CDH4: variants seen among roughly 807,000 people sequenced by gnomAD.
CDH4 encodes cadherin-4.
A neutral mutation model predicts 86.0 loss-of-function variants in CDH4; 33 were observed. The observed-to-expected ratio is 0.38, with a 90% CI of 0.29 to 0.51. The LOEUF (loss-of-function observed/expected upper bound fraction) is 0.51. Among genes scored for constraint, CDH4 ranks in the 20% least tolerant of loss-of-function variants. CDH4 has a pLI of 0.86. For synonymous variants in CDH4, 555 were observed against 549.4 expected, an observed-to-expected ratio of 1.01 and a Z score of -0.14; for missense variants, 1,114 against 1,307.4, an observed-to-expected ratio of 0.85 and a Z score of 2.28.
chr20:61,936,252 C>T (rs1486169869), intron 15 of CDH4, among the ~76,000 whole-genome samples: 1 of 147,336 alleles, frequency 6.8e-6, no homozygotes, highest in African/African-American at 2.5e-5. Flanking sequence ...GCCCTCACCT[C>T]CCCCACACCA....
intron 2 of CDH4, among the ~76,000 whole-genome samples, chr20:61,659,056 C>T (rs2087223638): frequency 6.6e-6 from 1 of 152,206 alleles, no homozygotes; most frequent in South Asian, 2.1e-4. Context: ...CCAATAGTAG[C>T]TCCCAATCAG....
intron 2 of CDH4, among the ~76,000 whole-genome samples, chr20:61,531,333 A>G (rs930110863): frequency 6.7e-6 from 1 of 150,166 alleles, no homozygotes; most frequent in Non-Finnish European, 1.5e-5. Flanking sequence ...TTAGCCGGGC[A>G]TGGTGGTGGG....
intron 4 of CDH4, among the ~76,000 whole-genome samples, chr20:61,824,158 T>C (rs1981197880): frequency 6.6e-6 from 1 of 152,264 alleles, no homozygotes; most frequent in South Asian, 2.1e-4. Flanking sequence ...CCACTTTCTA[T>C]TGGAGCATAG....
At chr20:61,361,666 C>T (rs948235660) in intron 2 of CDH4, among the ~76,000 whole-genome samples, 5 of 152,140 alleles carry the variant, frequency 3.3e-5, no homozygotes, top group South Asian at 2.1e-4. Context: ...CAGCAGGTGA[C>T]GGACCCAACC....
intron 2 of CDH4, among the ~76,000 whole-genome samples, chr20:61,484,332 A>G (rs2085584305): frequency 6.6e-6 from 1 of 152,144 alleles, no homozygotes; most frequent in African/African-American, 2.4e-5. Flanking sequence ...ACTTCTGCCC[A>G]CCGCAACCCC....
At chr20:61,397,559 C>T (rs1304872535) in intron 2 of CDH4, among the ~76,000 whole-genome samples, 5 of 152,098 alleles carry the variant, frequency 3.3e-5, no homozygotes, top group African/African-American at 1.2e-4. Context: ...GAGGTAGCCC[C>T]ATATCGCCCT....
chr20:61,377,157 G>A lies in CDH4; in HGVS notation c.169+122220G>A, dbSNP rs2084876926. ...GCCAAGTGACATATTCTGCAAGCAG[G>A]GCTCGGCAATTATTGAAGAGTTGGC... On this transcript the variant is annotated intron_variant, in intron 2 of 15. Coordinates refer to ENST00000614565, the MANE Select transcript of CDH4 (RefSeq NM_001794.5). The surrounding 1 kb of genome is among the most constrained non-coding windows in gnomAD (Gnocchi z 4.0). Among the ~76,000 whole-genome samples, 1 of 152,154 alleles carries A rather than the reference G, an allele frequency of 6.6e-6. No individual in the cohort carries two copies. Among genetic ancestry groups the A allele is most frequent in the Non-Finnish European group, 1.5e-5 (1 of 68,026 alleles).
In CDH4 at chr20:61,714,204, G is replaced by A. The variant is rs1021335591; in HGVS notation, c.170-29359G>A. ...TGGAACTACAGGCATCCGCCACCACGCCTGGCTAATTTTTTGTATTTTTAG... is the reference window on the plus strand; with the variant it reads ...TGGAACTACAGGCATCCGCCACCACACCTGGCTAATTTTTTGTATTTTTAG... On this transcript the variant is annotated intron_variant, in intron 2 of 15. Coordinates refer to ENST00000614565, the MANE Select transcript of CDH4 (RefSeq NM_001794.5). Among the ~76,000 whole-genome samples the A allele has an allele frequency of 3.3e-5, 5 of 151,708 alleles. No homozygotes were observed. The South Asian group carries it at 6.3e-4, about 19-fold the overall frequency.
At chr20:61,505,137 C>T (rs537348356) in intron 2 of CDH4, among the ~76,000 whole-genome samples, 12 of 152,224 alleles carry the variant, frequency 7.9e-5, no homozygotes, top group Admixed American at 6.5e-4. Context: ...AGGTGGGTGA[C>T]GCAAGCGAGG....
intron 2 of CDH4, among the ~76,000 whole-genome samples, chr20:61,312,574 C>T (rs565357509): frequency 9.9e-5 from 15 of 152,058 alleles, no homozygotes; most frequent in Non-Finnish European, 1.2e-4. Flanking sequence ...AGGACTGCAC[C>T]CCCTTCTTTG....
chr20:61,427,811 G>A (rs181107103), intron 2 of CDH4, among the ~76,000 whole-genome samples: 2 of 152,078 alleles, frequency 1.3e-5, no homozygotes, highest in East Asian at 3.9e-4. Context: ...CTAGCTCCAA[G>A]GACCTCCAGT....
At chr20:61,272,446 C>G (rs1377593338) in intron 2 of CDH4, among the ~76,000 whole-genome samples, 3 of 152,214 alleles carry the variant, frequency 2.0e-5, no homozygotes, top group Non-Finnish European at 4.4e-5. Flanking sequence ...GAAGACATCC[C>G]TTCCGTGCAG....
intron 4 of CDH4, among the ~76,000 whole-genome samples, chr20:61,779,637 A>C (rs1478681027): frequency 6.6e-6 from 1 of 152,252 alleles, no homozygotes; most frequent in African/African-American, 2.4e-5. Flanking sequence ...CCATTGCTTC[A>C]CATCCAGCCA....
intron 2 of CDH4, among the ~76,000 whole-genome samples, chr20:61,261,261 C>T (rs1012336929): frequency 5.9e-5 from 9 of 152,172 alleles, no homozygotes; most frequent in Non-Finnish European, 1.2e-4. Context: ...GATTCCTAAC[C>T]GCTGCTTCTC....
At chr20:61,869,817 T>A (rs566806189) in intron 6 of CDH4, among the ~76,000 whole-genome samples, 1 of 152,332 alleles carries the variant, frequency 6.6e-6, no homozygotes, top group African/African-American at 2.4e-5. Flanking sequence ...ACCTCCTGCC[T>A]GGCCTTCGGG....
At chr20:61,812,121 G>A (rs1403911081) in intron 4 of CDH4, among the ~76,000 whole-genome samples, 1 of 151,978 alleles carries the variant, frequency 6.6e-6, no homozygotes, top group Admixed American at 6.5e-5. Context: ...TCCAAGGGTG[G>A]CTGCCTAAGC....
intron 2 of CDH4, among the ~76,000 whole-genome samples, chr20:61,632,114 G>A (rs529407016): frequency 3.6e-4 from 55 of 152,340 alleles, no homozygotes; most frequent in Middle Eastern, 3.4e-3. Context: ...ACAGCACACC[G>A]GGGCAGGCTC....
chr20:61,492,240 G>A (rs560330710), intron 2 of CDH4, among the ~76,000 whole-genome samples: 1 of 152,274 alleles, frequency 6.6e-6, no homozygotes, highest in Admixed American at 6.5e-5. Flanking sequence ...TGGTGGTGTT[G>A]ATGTTGCTGA....
rs577846701 is a variant in CDH4 at position 61,606,120 on chromosome 20, C to G, written c.170-137443C>G. On this transcript the variant is annotated intron_variant, in intron 2 of 15. Transcript: ENST00000614565. ...TGATGGGCATGGCAGAGTCCTGAGG[C>G]CGGGCTGAACGGCAAAGAGTGGTAG... 2.4e-3 allele frequency among the ~76,000 whole-genome samples: 368 copies of G among 152,234 alleles called. 1 individual carries two copies. The highest frequency in any genetic ancestry group is 8.2e-3 in the African/African-American group (342 of 41,526).
Sources: gnomAD v4.1 joint callset for allele counts (sites outside exome capture counted in the v4.1 genomes callset) on GRCh38, gnomAD v4.1.1 for gene constraint, Gnocchi (gnomAD v3.1) non-coding constraint, MANE v1.5 for transcripts, NCBI Gene and HGNC (gene_info 2026-07-23, HGNC 2026-07-21) for gene names.